PDE4D: variants seen among roughly 807,000 people sequenced by gnomAD.
PDE4D encodes 3',5'-cyclic-AMP phosphodiesterase 4D.
A neutral mutation model predicts 87.4 loss-of-function variants in PDE4D; 24 were observed. The observed-to-expected ratio is 0.27, with a 90% confidence interval of 0.20 to 0.39. The LOEUF (loss-of-function observed/expected upper bound fraction) is 0.39, where lower values mean the gene tolerates loss of function less well. Ranked by LOEUF, PDE4D falls within the 10% of genes least tolerant of loss-of-function variation. The pLI is 1.00. For missense variants in PDE4D, 714 were observed against 1,041.0 expected (o/e 0.69, Z 4.32); for synonymous variants, 384 against 383.2 (o/e 1.00, Z -0.02).
intron 11 of PDE4D, among the ~76,000 whole-genome samples, chr5:58,982,381 G>A (rs1472735420): frequency 1.3e-5 from 2 of 152,218 alleles, no homozygotes; most frequent in Admixed American, 6.5e-5. Context: ...GATTCAGGAT[G>A]TTAGGGAATA....
At chr5:59,771,132 A>AGAAT (rs1763391105) in intron 1 of PDE4D, among the ~76,000 whole-genome samples, 1 of 143,152 alleles carries the variant, frequency 7.0e-6, no homozygotes, top group Non-Finnish European at 1.5e-5. Context: ...ACCCAGCCTC[A>AGAAT]AAATAAATAA....
chr5:59,139,799 A>C (rs1449025703), intron 5 of PDE4D, among the ~76,000 whole-genome samples: 1 of 152,014 alleles, frequency 6.6e-6, no homozygotes, highest in Non-Finnish European at 1.5e-5. Context: ...TTTTAGAAAA[A>C]AACTAAAAAA....
rs188325818 is a variant in PDE4D, at chr5:59,905,863, T to C, written c.272+82625A>G. 1.4e-4 allele frequency among the ~76,000 whole-genome samples: 22 copies of C among 152,294 alleles called. No individual in the cohort carries two copies. In the East Asian group the frequency reaches 3.5e-3, roughly 24 times the overall value. ...TGCTTTTGAAAATTATGAACTGTGT[T>C]GAACTAGTAATAGGGCTTTGCCTTT... On this transcript the variant is annotated intron_variant, in intron 3 of 16. Transcript: ENST00000502484.
intron 1 of PDE4D, among the ~76,000 whole-genome samples, chr5:59,386,766 G>A (rs1787140598): frequency 6.6e-6 from 1 of 151,992 alleles, no homozygotes; most frequent in Non-Finnish European, 1.5e-5. Flanking sequence ...GGGAATTGCT[G>A]CACAAAGCAT....
chr5:59,335,297 C>G (rs1296786290), intron 1 of PDE4D, among the ~76,000 whole-genome samples: 1 of 152,078 alleles, frequency 6.6e-6, no homozygotes. Context: ...GAACCAACTC[C>G]AAGAAGCAAT....
chr5:59,740,813 A>C (rs979089931), intron 1 of PDE4D, among the ~76,000 whole-genome samples: 3 of 152,180 alleles, frequency 2.0e-5, no homozygotes, highest in Admixed American at 1.3e-4. Flanking sequence ...GGATTTAAGT[A>C]ATTTGCCTGT....
At position 59,216,011 on chromosome 5, in the gene PDE4D, C is replaced by T. The variant is rs750253012; in HGVS notation, c.456-43G>A. 5.7e-6 allele frequency: 8 copies of T among 1,398,214 alleles called. No individual in the cohort carries two copies. In the Admixed American group the frequency reaches 6.2e-5, roughly 11 times the overall value. 86.6% of individuals were successfully genotyped at this position (1,398,214 alleles called of 1,614,324 possible). A position where few individuals can be genotyped will look rare whatever the true frequency, so the allele number is the denominator to read the frequency against. ...GGAATTATGTTGCTGTGAACATTCA[C>T]ATGTTCATATTTTCAAAAAGCATTT... On this transcript the variant is annotated intron_variant, in intron 1 of 14. Transcript: ENST00000340635.
At chr5:60,371,689 T>G (rs1334530826) in intron 1 of PDE4D, among the ~76,000 whole-genome samples, 1 of 152,176 alleles carries the variant, frequency 6.6e-6, no homozygotes, top group African/African-American at 2.4e-5. Flanking sequence ...CCTTCTCCCC[T>G]GAAATATAAC....
At chr5:60,139,738 A>C (rs1429044181) in intron 2 of PDE4D, among the ~76,000 whole-genome samples, 1 of 152,090 alleles carries the variant, frequency 6.6e-6, no homozygotes, top group African/African-American at 2.4e-5. Context: ...TAGTCTAAGA[A>C]GAAAAATTAC....
intron 1 of PDE4D, among the ~76,000 whole-genome samples, chr5:59,363,754 T>C (rs1464251198): frequency 6.6e-6 from 1 of 152,158 alleles, no homozygotes; most frequent in African/African-American, 2.4e-5. Context: ...CTTGTCTCCA[T>C]TGTGGCTGGC....
At chr5:59,663,574 T>C (rs1406496688) in intron 1 of PDE4D, among the ~76,000 whole-genome samples, 1 of 152,218 alleles carries the variant, frequency 6.6e-6, no homozygotes, top group Non-Finnish European at 1.5e-5. Context: ...TGCTTGATTA[T>C]ATTGTGATAT....
intron 2 of PDE4D, among the ~76,000 whole-genome samples, chr5:60,132,012 T>C (rs1301981874): frequency 6.6e-6 from 1 of 152,204 alleles, no homozygotes; most frequent in Non-Finnish European, 1.5e-5. Context: ...CTTCCAGAAA[T>C]TCGATAAAAT....
At chr5:59,599,388 TTTTATTTA>T (rs1178115255) in intron 1 of PDE4D, among the ~76,000 whole-genome samples, 1 of 142,374 alleles carries the variant, frequency 7.0e-6, no homozygotes, top group Non-Finnish European at 1.6e-5. Flanking sequence ...ACCCAGCTAT[TTTTATTTA>T]TTTATTTATT....
At chr5:59,733,694 T>C (rs1205013511) in intron 1 of PDE4D, among the ~76,000 whole-genome samples, 1 of 152,060 alleles carries the variant, frequency 6.6e-6, no homozygotes, top group Non-Finnish European at 1.5e-5. Flanking sequence ...TAATCATCAA[T>C]GTTGTTTTTG....
intron 1 of PDE4D, among the ~76,000 whole-genome samples, chr5:59,340,217 T>G (rs144220636): frequency 6.6e-6 from 1 of 152,326 alleles, no homozygotes; most frequent in East Asian, 1.9e-4. Context: ...TTTTATCCTT[T>G]TAAAGAATTA....
At chr5:59,242,306 G>A (rs2153523086) in intron 1 of PDE4D, among the ~76,000 whole-genome samples, 1 of 152,232 alleles carries the variant, frequency 6.6e-6, no homozygotes, top group South Asian at 2.1e-4. Flanking sequence ...GTGGCCTGGA[G>A]AACCTCACAC....
intron 1 of PDE4D, among the ~76,000 whole-genome samples, chr5:59,486,604 C>G (rs1805195407): frequency 6.6e-6 from 1 of 152,128 alleles, no homozygotes; most frequent in Admixed American, 6.6e-5. Flanking sequence ...TTATTATCCC[C>G]ATTTTACAGG....
At chr5:60,178,293 G>A (rs1197351100) in intron 2 of PDE4D, among the ~76,000 whole-genome samples, 1 of 151,974 alleles carries the variant, frequency 6.6e-6, no homozygotes. Flanking sequence ...ATTGTTTCAG[G>A]AAATCAAAAC....
At chr5:59,393,144 C>G (rs1418615637) in intron 1 of PDE4D, among the ~76,000 whole-genome samples, 1 of 151,896 alleles carries the variant, frequency 6.6e-6, no homozygotes, top group Admixed American at 6.6e-5. Context: ...CAACCTAGGA[C>G]AAAAATCAAA....
Sources: allele counts gnomAD v4.1 joint callset (sites outside exome capture counted in the v4.1 genomes callset), GRCh38; gene constraint gnomAD v4.1.1; transcripts MANE v1.5; gene names NCBI Gene and HGNC (gene_info 2026-07-23, HGNC 2026-07-21).